CDON: variants seen among roughly 807,000 people sequenced by gnomAD.
CDON encodes cell adhesion associated, oncogene regulated, also known as cell adhesion molecule-related/down-regulated by oncogenes.
A neutral mutation model predicts 120.9 loss-of-function variants in CDON; 73 were observed. The observed-to-expected ratio is 0.60, with a 90% confidence interval of 0.50 to 0.73. The LOEUF is 0.73. Ranked by LOEUF, CDON falls within the 30% of genes least tolerant of loss-of-function variation. CDON has a pLI of 0.00. For synonymous variants in CDON, 566 were observed against 573.5 expected (o/e 0.99, Z 0.19); for missense variants, 1,470 against 1,587.3 (o/e 0.93, Z 1.26).
intron 1 of CDON, among the ~76,000 whole-genome samples, chr11:126,041,307 A>G (rs1341625959): frequency 6.6e-6 from 1 of 152,202 alleles, no homozygotes; most frequent in African/African-American, 2.4e-5. Context: ...CACAAATAGA[A>G]ATGACTTGGT....
At chr11:125,976,774 G>C (rs1946161751) in intron 18 of CDON, among the ~76,000 whole-genome samples, 1 of 152,174 alleles carries the variant, frequency 6.6e-6, no homozygotes, top group African/African-American at 2.4e-5. Flanking sequence ...GAAATTGCCA[G>C]AGACTACCGT....
intron 1 of CDON, among the ~76,000 whole-genome samples, chr11:126,026,505 G>C (rs1392380349): frequency 1.3e-5 from 2 of 152,206 alleles, no homozygotes; most frequent in Admixed American, 1.3e-4. Flanking sequence ...GTAATACAGA[G>C]GAAGGCACCT....
chr11:126,062,362 T>C (rs1293271228), intron 1 of CDON, among the ~76,000 whole-genome samples: 1 of 151,826 alleles, frequency 6.6e-6, no homozygotes, highest in Non-Finnish European at 1.5e-5. Flanking sequence ...TCCCGCGAGG[T>C]GCCTCCGAGC....
rs148081735 is a variant in CDON at position 125,995,032 on chromosome 11, C to T, written c.2383G>A (p.Val795Ile). Residue 795 changes from valine to isoleucine, a missense_variant, in exon 13 of 20, where the codon GTC (valine) becomes ATC (isoleucine). Transcript: ENST00000531738. ...LEPGSTYKFR[V>I]IAINHYGESF... ...TCACCATAATGGTTGATGGCAATGA[C>T]CCTAAATTTGTATGTTGAACCTTTG... The T allele has an allele frequency of 4.4e-5, 71 of 1,613,856 alleles. 1 individual carries two copies. In the Middle Eastern group the frequency reaches 4.9e-4, roughly 11 times the overall value.
intron 14 of CDON, among the ~76,000 whole-genome samples, chr11:125,990,834 A>G (rs1176334075): frequency 6.6e-6 from 1 of 151,988 alleles, no homozygotes; most frequent in Non-Finnish European, 1.5e-5. Context: ...GCGTTTTTTA[A>G]GGAAGAAAAT....
At chr11:126,023,661 C>A in intron 1 of CDON, 124 bp from the exon 2 acceptor site, 1 of 646,298 alleles carries the variant, frequency 1.5e-6, no homozygotes. Flanking sequence ...AAATACCAGG[C>A]ACTTAATTAT....
At chr11:126,061,447 AGG>A (rs1948792934) in intron 1 of CDON, among the ~76,000 whole-genome samples, 1 of 152,216 alleles carries the variant, frequency 6.6e-6, no homozygotes, top group Non-Finnish European at 1.5e-5. Context: ...AAATAGACTG[AGG>A]GTGGGGGAGA....
intron 1 of CDON, among the ~76,000 whole-genome samples, chr11:126,029,105 C>T (rs1947880830): frequency 1.3e-5 from 2 of 152,156 alleles, no homozygotes; most frequent in Admixed American, 1.3e-4. Context: ...TTTAGATCCT[C>T]ACACTGTGGT....
chr11:126,059,700 A>C (rs1948752393), intron 1 of CDON, among the ~76,000 whole-genome samples: 1 of 152,156 alleles, frequency 6.6e-6, no homozygotes, highest in Non-Finnish European at 1.5e-5. Context: ...ATACAGAATG[A>C]ATTTTCAGCT....
intron 17 of CDON, among the ~76,000 whole-genome samples, chr11:125,979,134 C>A (rs1407337181): frequency 6.6e-6 from 1 of 152,194 alleles, no homozygotes; most frequent in Non-Finnish European, 1.5e-5. Flanking sequence ...AGAAGAAAAA[C>A]AGCAGAACTG....
At position 125,960,043 on chromosome 11, in the gene CDON, C is replaced by CTAGT. The variant is rs1293791623; in HGVS notation, c.*895_*898dup. On this transcript the variant is annotated 3_prime_UTR_variant, in exon 20 of 20. Coordinates refer to ENST00000531738, the MANE Select transcript of CDON (RefSeq NM_001378964.1). ...CTCCACCACGTCCATAACACTATGA[C>CTAGT]TAGTGCCTAGCAAACTGAACATCAC... 6.6e-6 allele frequency: 1 copy of CTAGT among 152,224 alleles called. No homozygotes were observed. The highest frequency in any genetic ancestry group is 1.5e-5 in the Non-Finnish European group (1 of 68,048). 9.4% of individuals were successfully genotyped at this position (152,224 alleles called of 1,614,324 possible). A position where few individuals can be genotyped will look rare whatever the true frequency, so the allele number is the denominator to read the frequency against.
chr11:125,967,050 G>T (rs1404202839), intron 18 of CDON, among the ~76,000 whole-genome samples: 1 of 150,168 alleles, frequency 6.7e-6, no homozygotes, highest in African/African-American at 2.4e-5. Flanking sequence ...AATACAGAAA[G>T]GAATGAGTAG....
chr11:126,016,164 T>A (rs550610046), intron 6 of CDON, among the ~76,000 whole-genome samples: 1 of 152,224 alleles, frequency 6.6e-6, no homozygotes, highest in Non-Finnish European at 1.5e-5. Context: ...ATAAATATTA[T>A]AAATACATGC....
intron 18 of CDON, among the ~76,000 whole-genome samples, chr11:125,973,593 C>T (rs573352008): frequency 1.3e-5 from 2 of 152,314 alleles, no homozygotes; most frequent in African/African-American, 4.8e-5. Context: ...TGTGCCATGG[C>T]TCTGTGTGAT....
At chr11:126,042,001 C>T (rs1948275563) in intron 1 of CDON, among the ~76,000 whole-genome samples, 1 of 152,200 alleles carries the variant, frequency 6.6e-6, no homozygotes, top group Non-Finnish European at 1.5e-5. Flanking sequence ...TCTCCTGCCT[C>T]AGCCTCCTGA....
Position 126,015,489 on chromosome 11 carries a change from C to A in CDON, c.950G>T (p.Gly317Val). The A allele has an allele frequency of 1.2e-6, 2 of 1,614,006 alleles. No individual in the cohort carries two copies. Among genetic ancestry groups the A allele is most frequent in the Non-Finnish European group, 1.7e-6 (2 of 1,179,962 alleles). The change falls in exon 7 of 20, where the codon GGA becomes GTA. Residue 317 changes from glycine to valine, a missense_variant. Physicochemically the swap from Gly to Val is moderately radical, Grantham distance 109. Transcript: ENST00000531738. ...CAGAGACACTATCTGATCCTGTAGT[C>A]CTTTAGAAATGGAAGCATGTTCTGA... ...NVLEHASISK[G>V]LQDQIVSLGA...
At chr11:125,970,691 A>C (rs999636670) in intron 18 of CDON, among the ~76,000 whole-genome samples, 1 of 152,176 alleles carries the variant, frequency 6.6e-6, no homozygotes, top group South Asian at 2.1e-4. Flanking sequence ...TTGGGAATTA[A>C]TCTATCAGCA....
intron 9 of CDON, among the ~76,000 whole-genome samples, chr11:126,004,740 TATC>T (rs1460189366): frequency 2.6e-5 from 4 of 152,218 alleles, no homozygotes; most frequent in African/African-American, 9.6e-5. Context: ...CATATTAAAA[TATC>T]ATCATGTTAT....
intron 1 of CDON, among the ~76,000 whole-genome samples, chr11:126,049,030 C>A (rs1460597041): frequency 6.6e-6 from 1 of 151,972 alleles, no homozygotes; most frequent in Non-Finnish European, 1.5e-5. Flanking sequence ...CGCGCCCAGC[C>A]CAATTTAATT....
Sources: gnomAD v4.1 joint callset for allele counts (sites outside exome capture counted in the v4.1 genomes callset) on GRCh38, gnomAD v4.1.1 for gene constraint, MANE v1.5 for transcripts, NCBI Gene and HGNC (gene_info 2026-07-23, HGNC 2026-07-21) for gene names.